KHDRBS2: variants seen among roughly 807,000 people sequenced by gnomAD.
KHDRBS2 encodes KH domain-containing, RNA-binding, signal transduction-associated protein 2.
In KHDRBS2, 26 loss-of-function variants were observed where a neutral mutation model predicts 44.3. That is an observed-to-expected ratio of 0.59 (90% CI 0.43 to 0.81). The LOEUF is 0.81. Ranked by LOEUF, KHDRBS2 falls within the 40% of genes least tolerant of loss-of-function variation. KHDRBS2 has a pLI of 0.00. For synonymous variants in KHDRBS2, 194 were observed against 151.1 expected (o/e 1.28, Z -2.08); for missense variants, 476 against 433.1 (o/e 1.10, Z -0.88).
intron 7 of KHDRBS2, among the ~76,000 whole-genome samples, chr6:61,720,642 G>A (rs879496414): frequency 4.6e-5 from 7 of 151,810 alleles, no homozygotes; most frequent in Admixed American, 2.6e-4. Flanking sequence ...TTTTTCTTGT[G>A]AATTTGTTTG....
chr6:61,974,811 A>T (rs1219753374), intron 4 of KHDRBS2, among the ~76,000 whole-genome samples: 2 of 151,890 alleles, frequency 1.3e-5, no homozygotes, highest in East Asian at 1.9e-4. Context: ...TGTGCCTGTA[A>T]TCTCAGCTAC....
intron 1 of KHDRBS2, among the ~76,000 whole-genome samples, chr6:62,260,357 G>A (rs1360336004): frequency 2.0e-5 from 3 of 151,972 alleles, no homozygotes; most frequent in Non-Finnish European, 4.4e-5. Context: ...AGGGTAGAAT[G>A]ACCTTTTGTC....
intron 8 of KHDRBS2, among the ~76,000 whole-genome samples, chr6:61,695,500 A>G (rs1767807634): frequency 6.6e-6 from 1 of 152,150 alleles, no homozygotes; most frequent in Non-Finnish European, 1.5e-5. Flanking sequence ...AATCCTTATT[A>G]TAAAATGCTT....
chr6:61,701,642 TC>T (rs767244825), intron 7 of KHDRBS2, among the ~76,000 whole-genome samples: 19 of 151,918 alleles, frequency 1.3e-4, no homozygotes, highest in Non-Finnish European at 2.1e-4. Context: ...CTGGCTTAAC[TC>T]CCAGAAAAGA....
chr6:62,132,635 A>G (rs1810590768), intron 2 of KHDRBS2, among the ~76,000 whole-genome samples: 1 of 152,202 alleles, frequency 6.6e-6, no homozygotes, highest in Non-Finnish European at 1.5e-5. Flanking sequence ...TTTTAGGCTG[A>G]TTTAAAAATA....
chr6:61,750,028 G>A (rs951449373), intron 6 of KHDRBS2, among the ~76,000 whole-genome samples: 1 of 152,092 alleles, frequency 6.6e-6, no homozygotes, highest in Non-Finnish European at 1.5e-5. Context: ...TAATAATGAG[G>A]AGTTATTTTT....
the KHDRBS2 span, among the ~76,000 whole-genome samples, chr6:61,554,983 G>A: frequency 2.0e-5 from 3 of 152,062 alleles, no homozygotes; most frequent in Non-Finnish European, 4.4e-5. Flanking sequence ...ATGACTATGT[G>A]TCCTGGAGGT....
chr6:61,545,499 C>CTG, the KHDRBS2 span, among the ~76,000 whole-genome samples: 4 of 71,754 alleles, frequency 5.6e-5, no homozygotes, highest in East Asian at 5.1e-4. Context: ...TTTAGCTAAT[C>CTG]TCTGTGTGTG....
chr6:62,219,774 T>A (rs1179047625), intron 1 of KHDRBS2, among the ~76,000 whole-genome samples: 1 of 148,662 alleles, frequency 6.7e-6, no homozygotes, highest in Non-Finnish European at 1.5e-5. Context: ...TTTTCAAGTT[T>A]TATATATATA....
At chr6:61,823,104 G>A (rs1220037464) in intron 6 of KHDRBS2, among the ~76,000 whole-genome samples, 2 of 151,882 alleles carry the variant, frequency 1.3e-5, no homozygotes, top group African/African-American at 4.8e-5. Context: ...TGGTTGCTGG[G>A]TTTTACTGAG....
At chr6:61,671,929 G>T in the KHDRBS2 span, among the ~76,000 whole-genome samples, 1 of 151,818 alleles carries the variant, frequency 6.6e-6, no homozygotes, top group East Asian at 2.0e-4. Context: ...CATGTGCCAT[G>T]CTGTGTGCTG....
chr6:61,613,161 C>T, the KHDRBS2 span, among the ~76,000 whole-genome samples: 3 of 151,960 alleles, frequency 2.0e-5, no homozygotes, highest in Non-Finnish European at 2.9e-5. Context: ...CAAAATGTAG[C>T]TTTTTACGTA....
chr6:62,112,248 C>G (rs62414561), intron 2 of KHDRBS2, among the ~76,000 whole-genome samples: 7 of 152,080 alleles, frequency 4.6e-5, no homozygotes, highest in Non-Finnish European at 8.8e-5. Flanking sequence ...GACATTTATA[C>G]TTGCAAAATT....
chr6:62,013,614 G>T (rs1337633665), intron 3 of KHDRBS2, among the ~76,000 whole-genome samples: 1 of 151,964 alleles, frequency 6.6e-6, no homozygotes, highest in Non-Finnish European at 1.5e-5. Context: ...ATAAAAATGA[G>T]GCAAGTTGAG....
the KHDRBS2 span, among the ~76,000 whole-genome samples, chr6:61,655,206 GT>G: frequency 4.8e-5 from 7 of 146,192 alleles, no homozygotes; most frequent in Non-Finnish European, 9.0e-5. Context: ...TTCTTAGAAC[GT>G]TTAAATACAT....
intron 6 of KHDRBS2, among the ~76,000 whole-genome samples, chr6:61,734,606 T>C (rs568652614): frequency 6.6e-6 from 1 of 152,206 alleles, no homozygotes; most frequent in African/African-American, 2.4e-5. Context: ...TAATTTTTCA[T>C]TAGTCAATAT....
At chr6:62,119,158 C>G (rs1407535987) in intron 2 of KHDRBS2, among the ~76,000 whole-genome samples, 1 of 152,136 alleles carries the variant, frequency 6.6e-6, no homozygotes, top group Non-Finnish European at 1.5e-5. Flanking sequence ...GCTAAGGACT[C>G]TACTTCTAAT....
At chr6:61,546,395 T>C in the KHDRBS2 span, among the ~76,000 whole-genome samples, 2 of 152,112 alleles carry the variant, frequency 1.3e-5, no homozygotes, top group African/African-American at 4.8e-5. Flanking sequence ...TGAGATTATG[T>C]CCAGTAAATC....
At chr6:62,171,382 T>TAA (rs143467748) in intron 2 of KHDRBS2, among the ~76,000 whole-genome samples, 2 of 146,304 alleles carry the variant, frequency 1.4e-5, no homozygotes, top group Non-Finnish European at 3.0e-5. Context: ...AGACAAAAAT[T>TAA]AAAAAAAAAA....
Sources: gnomAD v4.1 joint callset for allele counts (sites outside exome capture counted in the v4.1 genomes callset) on GRCh38, gnomAD v4.1.1 for gene constraint, MANE v1.5 for transcripts, NCBI Gene and HGNC (gene_info 2026-07-23, HGNC 2026-07-21) for gene names.